Variants in UBE2E2 observed in about 807,000 individuals in gnomAD.
UBE2E2 encodes the protein ubiquitin-conjugating enzyme E2 E2.
In UBE2E2, 6 loss-of-function variants were observed where a neutral mutation model predicts 24.7. That is an observed-to-expected ratio of 0.24 (90% CI 0.13 to 0.48). The LOEUF is 0.48. Ranked by LOEUF, UBE2E2 falls within the 20% of genes least tolerant of loss-of-function variation. The pLI is 0.99. For synonymous variants in UBE2E2, 104 were observed against 83.6 expected (o/e 1.24, Z -1.33); for missense variants, 169 against 245.0 (o/e 0.69, Z 2.07).
Position 23,280,582 on chromosome 3 carries a change from A to G in UBE2E2, c.227+63270A>G, listed in dbSNP as rs1173681090. Reference sequence around the variant, plus strand: ...TTTACTTGGGAAGCCTGTTGACCCAACAGCAACCCTGATGACCCAGTTGTC... The same window carrying G: ...TTTACTTGGGAAGCCTGTTGACCCAGCAGCAACCCTGATGACCCAGTTGTC... On this transcript the variant is annotated intron_variant, in intron 3 of 5. Transcript: ENST00000396703. The surrounding 1 kb of genome is among the most constrained non-coding windows in gnomAD (Gnocchi z 4.3). Among the ~76,000 whole-genome samples, 24 of 152,144 alleles carry G rather than the reference A, an allele frequency of 1.6e-4. No homozygotes were observed. The highest frequency in any genetic ancestry group is 1.3e-4 in the Admixed American group (2 of 15,278).
chr3:23,212,005 T>A (rs779051504), intron 2 of UBE2E2, among the ~76,000 whole-genome samples: 3 of 152,238 alleles, frequency 2.0e-5, no homozygotes, highest in Non-Finnish European at 4.4e-5. Flanking sequence ...AAATACATTT[T>A]GTAGTGACTT....
At chr3:23,300,127 A>C (rs571909472) in intron 3 of UBE2E2, among the ~76,000 whole-genome samples, 6 of 151,978 alleles carry the variant, frequency 3.9e-5, no homozygotes, top group Admixed American at 3.9e-4. Context: ...TTTGTCTTCC[A>C]TTTGCTTGGT....
At chr3:23,332,531 A>T (rs758621097) in intron 3 of UBE2E2, among the ~76,000 whole-genome samples, 2 of 152,228 alleles carry the variant, frequency 1.3e-5, no homozygotes, top group Non-Finnish European at 2.9e-5. Context: ...AAAATTTAAA[A>T]ACTGTATGTA....
At chr3:23,386,515 C>T (rs1003271140) in intron 3 of UBE2E2, among the ~76,000 whole-genome samples, 13 of 152,106 alleles carry the variant, frequency 8.5e-5, no homozygotes, top group African/African-American at 2.2e-4. Flanking sequence ...TCTTAAAAGG[C>T]GTGAGTTTAT....
At chr3:23,204,608 T>G (rs1696096061) in intron 1 of UBE2E2, 6 of 883,284 alleles carry the variant, frequency 6.8e-6, no homozygotes, top group Non-Finnish European at 8.1e-6. Context: ...TCCTTGGCTC[T>G]TTGGAATTCT....
intron 3 of UBE2E2, among the ~76,000 whole-genome samples, chr3:23,446,512 G>A (rs1559386224): frequency 6.6e-6 from 1 of 152,114 alleles, no homozygotes; most frequent in Non-Finnish European, 1.5e-5. Flanking sequence ...CCCTGGGGAA[G>A]GATATTATGG....
chr3:23,296,514 T>A (rs1002503680), intron 3 of UBE2E2, among the ~76,000 whole-genome samples: 1 of 152,174 alleles, frequency 6.6e-6, no homozygotes, highest in Admixed American at 6.5e-5. Flanking sequence ...TGTGCCCATG[T>A]GTTCTCATTG....
chr3:23,228,829 A>G (rs1696895570), intron 3 of UBE2E2, among the ~76,000 whole-genome samples: 1 of 152,212 alleles, frequency 6.6e-6, no homozygotes, highest in African/African-American at 2.4e-5. Context: ...GCCATAAGCT[A>G]AAATTCATTT....
chr3:23,244,147 GAATC>G (rs1208999824), intron 3 of UBE2E2, among the ~76,000 whole-genome samples: 2 of 134,060 alleles, frequency 1.5e-5, no homozygotes, highest in Non-Finnish European at 3.2e-5. Context: ...AAAAAAAAAA[GAATC>G]AACTATTAAA....
At chr3:23,585,076 A>G (rs1286558814) in intron 5 of UBE2E2, among the ~76,000 whole-genome samples, 1 of 152,032 alleles carries the variant, frequency 6.6e-6, no homozygotes, top group Non-Finnish European at 1.5e-5. Flanking sequence ...TATTTTGTTA[A>G]CAAAAATGCC....
chr3:23,465,051 G>A (rs1488745369), intron 3 of UBE2E2, among the ~76,000 whole-genome samples: 2 of 152,204 alleles, frequency 1.3e-5, no homozygotes. Context: ...GTGTCAAAGA[G>A]ATGTTGCTTC....
At chr3:23,510,012 A>G (rs1272437286) in intron 4 of UBE2E2, among the ~76,000 whole-genome samples, 3 of 152,264 alleles carry the variant, frequency 2.0e-5, no homozygotes, top group East Asian at 3.9e-4. Context: ...AGTCTTTGCT[A>G]TTGTGAATAG....
intron 3 of UBE2E2, among the ~76,000 whole-genome samples, chr3:23,348,052 A>G (rs1398351704): frequency 1.3e-5 from 2 of 152,156 alleles, no homozygotes; most frequent in African/African-American, 2.4e-5. Flanking sequence ...ACTGAAGCCT[A>G]TTCAAAAGGA....
intron 2 of UBE2E2, among the ~76,000 whole-genome samples, chr3:23,211,923 A>T (rs1696337225): frequency 1.3e-5 from 2 of 152,206 alleles, no homozygotes; most frequent in Non-Finnish European, 2.9e-5. Context: ...AAACTTTGGA[A>T]AAATGAGGTA....
At chr3:23,415,691 G>A (rs1237891969) in intron 3 of UBE2E2, among the ~76,000 whole-genome samples, 2 of 152,110 alleles carry the variant, frequency 1.3e-5, no homozygotes, top group Non-Finnish European at 2.9e-5. Flanking sequence ...CTGACTTTTT[G>A]TAGGTCATAT....
chr3:23,533,985 TAC>T (rs1695193182), intron 5 of UBE2E2, among the ~76,000 whole-genome samples: 2 of 152,308 alleles, frequency 1.3e-5, no homozygotes, highest in East Asian at 3.9e-4. Context: ...CATACTTTAC[TAC>T]AGACAGTAAA....
intron 5 of UBE2E2, among the ~76,000 whole-genome samples, chr3:23,540,774 G>C (rs1695380281): frequency 6.6e-6 from 1 of 152,000 alleles, no homozygotes; most frequent in Non-Finnish European, 1.5e-5. Context: ...GACTGTAGTG[G>C]CACAATCAGA....
chr3:23,410,753 C>T (rs1450283477), intron 3 of UBE2E2, among the ~76,000 whole-genome samples: 1 of 152,090 alleles, frequency 6.6e-6, no homozygotes, highest in East Asian at 1.9e-4. Flanking sequence ...CAAATGTCCC[C>T]TACTCTCAAG....
intron 3 of UBE2E2, among the ~76,000 whole-genome samples, chr3:23,275,528 T>C (rs966777468): frequency 2.0e-5 from 3 of 152,224 alleles, no homozygotes; most frequent in Non-Finnish European, 4.4e-5. Flanking sequence ...TGAAGTGTTT[T>C]TAGGGAGGAC....
Sources: allele counts gnomAD v4.1 joint callset (sites outside exome capture counted in the v4.1 genomes callset), GRCh38; gene constraint gnomAD v4.1.1; non-coding constraint Gnocchi (gnomAD v3.1); transcripts MANE v1.5; gene names NCBI Gene and HGNC (gene_info 2026-07-23, HGNC 2026-07-21).